Variants in PRRX1 observed in about 807,000 individuals in gnomAD.
PRRX1 encodes paired related homeobox 1.
PRRX1 carries 8 observed loss-of-function variants against 24.0 expected under a neutral mutation model. The ratio of observed to expected loss-of-function variants is 0.33; its 90% CI spans 0.20 to 0.60. The LOEUF is 0.60. Ranked by LOEUF, PRRX1 falls within the 20% of genes least tolerant of loss-of-function variation. PRRX1 has a pLI of 0.82. For missense variants in PRRX1, 281 were observed against 322.4 expected, an observed-to-expected ratio of 0.87 and a Z score of 0.98; for synonymous variants, 160 against 131.7, an observed-to-expected ratio of 1.22 and a Z score of -1.47.
At position 170,719,760 on chromosome 1, in the gene PRRX1, A is replaced by G. The variant is rs1383644368; in HGVS notation, c.276A>G (p.Arg92=). 6.2e-7 allele frequency: 1 copy of G among 1,614,096 alleles called. No homozygotes were observed. The highest frequency in any genetic ancestry group is 8.5e-7 in the Non-Finnish European group (1 of 1,180,050). ...DQLNSEEKKK[R]KQRRNRTTFN... ...TGAACTCAGAAGAAAAAAAGAAGAG[A>G]AAGCAGCGAAGGAATAGGACAACCT... Residue 92 remains arginine (R), a synonymous_variant, in exon 2 of 4, where the codon AGA becomes AGG. Coordinates refer to ENST00000239461, the MANE Select transcript of PRRX1 (RefSeq NM_022716.4).
chr1:170,716,616 G>C (rs962500876), intron 1 of PRRX1, among the ~76,000 whole-genome samples: 2 of 151,620 alleles, frequency 1.3e-5, no homozygotes, highest in Non-Finnish European at 2.9e-5. Context: ...TCATGTTTCC[G>C]CTGGTTATTC....
chr1:170,688,833 T>C (rs1380320714), intron 1 of PRRX1, among the ~76,000 whole-genome samples: 2 of 152,164 alleles, frequency 1.3e-5, no homozygotes, highest in Admixed American at 6.5e-5. Context: ...ATCTTAACTA[T>C]ATACTTGCTA....
rs1655634018 is a variant in PRRX1 at position 170,737,079 on chromosome 1, G to A, written c.*893G>A. The A allele has an allele frequency of 5.5e-6, 1 of 182,164 alleles. No individual in the cohort carries two copies. Among genetic ancestry groups the A allele is most frequent in the South Asian group, 2.0e-4 (1 of 5,076 alleles). The allele number at this position is 182,164 out of a possible 1,614,324, so 11.3% of individuals were successfully genotyped here. Reference sequence around the variant, plus strand: ...GTAACACAAAGAGTGAGTTCTAAAAGGCATGCCCACATCTCTTTCGTGCCT... The same window carrying A: ...GTAACACAAAGAGTGAGTTCTAAAAAGCATGCCCACATCTCTTTCGTGCCT... On this transcript the variant is annotated 3_prime_UTR_variant, in exon 4 of 4. Transcript: ENST00000239461.
chr1:170,674,988 G>T (rs906663693), intron 1 of PRRX1, among the ~76,000 whole-genome samples: 1 of 152,000 alleles, frequency 6.6e-6, no homozygotes. Flanking sequence ...TTACTCAGTG[G>T]AAAAAGTTTT....
intron 1 of PRRX1, among the ~76,000 whole-genome samples, chr1:170,686,924 A>T (rs1304438698): frequency 6.6e-6 from 1 of 152,172 alleles, no homozygotes; most frequent in African/African-American, 2.4e-5. Context: ...GCCTCTCTCC[A>T]TTAGTTAGAA....
At chr1:170,670,592 C>G (rs376582706) in intron 1 of PRRX1, among the ~76,000 whole-genome samples, 1 of 151,994 alleles carries the variant, frequency 6.6e-6, no homozygotes, top group Non-Finnish European at 1.5e-5. Context: ...ATGCGGCAGC[C>G]TCAGGGAAGT....
rs200583557 is a variant in PRRX1 at position 170,719,838 on chromosome 1, T to C, written c.354T>C (p.Tyr118=). The C allele has an allele frequency of 2.4e-5, 38 of 1,614,172 alleles. No individual in the cohort carries two copies. In the South Asian group the frequency reaches 3.3e-4, roughly 14 times the overall value. Residue 118 remains tyrosine, a synonymous_variant, in exon 2 of 4, where the codon TAT becomes TAC. Transcript: ENST00000239461. ...AGCGTGTCTTTGAGCGGACACACTA[T>C]CCTGATGCTTTTGTGCGAGAAGACC... The part of the protein sequence containing the change: ...ALERVFERTH[Y]PDAFVREDLA...
At chr1:170,670,569 T>C (rs1653111458) in intron 1 of PRRX1, among the ~76,000 whole-genome samples, 1 of 152,180 alleles carries the variant, frequency 6.6e-6, no homozygotes, top group African/African-American at 2.4e-5. Context: ...GTCGTTGTCA[T>C]TTTTCTAATT....
Position 170,738,866 on chromosome 1 carries a change from G to A in PRRX1, c.*2680G>A, listed in dbSNP as rs955967595. On this transcript the variant is annotated 3_prime_UTR_variant, in exon 4 of 4. Coordinates refer to ENST00000239461, the MANE Select transcript of PRRX1 (RefSeq NM_022716.4). ...TTATCCAATGTCTCAAGCAAGCAAT[G>A]TCTGGGAATATCATAGAGTAACAAG... 2 of 229,730 alleles carry A rather than the reference G, an allele frequency of 8.7e-6. No homozygotes were observed. The highest frequency in any genetic ancestry group is 1.7e-5 in the Non-Finnish European group (2 of 115,834). 14.2% of individuals were successfully genotyped at this position (229,730 alleles called of 1,614,324 possible).
chr1:170,709,653 A>G (rs915311313), intron 1 of PRRX1, among the ~76,000 whole-genome samples: 2 of 152,146 alleles, frequency 1.3e-5, no homozygotes, highest in Non-Finnish European at 1.5e-5. Flanking sequence ...GAAAGTAAGT[A>G]TCTTGAAGTG....
chr1:170,719,448 G>T lies in PRRX1; in HGVS notation c.242-278G>T, dbSNP rs1655013055. Among the ~76,000 whole-genome samples the T allele has an allele frequency of 3.3e-5, 5 of 152,310 alleles. No homozygotes were observed. In the South Asian group the frequency reaches 1.0e-3, roughly 32 times the overall value. ...GGGTAAGATTTTCCTTGACAAACAG[G>T]CATCAAGGATCATGCAAGTAATGTC... On this transcript the variant is annotated intron_variant, in intron 1 of 3. Transcript: ENST00000239461.
intron 1 of PRRX1, among the ~76,000 whole-genome samples, chr1:170,691,277 G>T (rs1220922158): frequency 6.6e-6 from 1 of 152,136 alleles, no homozygotes. Flanking sequence ...TAGCCAACCA[G>T]AGAGTGAAAT....
intron 1 of PRRX1, among the ~76,000 whole-genome samples, chr1:170,702,546 T>C (rs377151000): frequency 2.6e-5 from 4 of 152,142 alleles, no homozygotes; most frequent in African/African-American, 9.7e-5. Flanking sequence ...CAAATGTAAT[T>C]TATAACAAGT....
intron 2 of PRRX1, among the ~76,000 whole-genome samples, chr1:170,720,374 G>C (rs1214215536): frequency 6.6e-6 from 1 of 152,194 alleles, no homozygotes; most frequent in Non-Finnish European, 1.5e-5. Context: ...TCAGCATGAG[G>C]ATAGAATCCT....
chr1:170,673,411 G>A (rs1401821466), intron 1 of PRRX1, among the ~76,000 whole-genome samples: 1 of 152,208 alleles, frequency 6.6e-6, no homozygotes, highest in African/African-American at 2.4e-5. Context: ...CCAAGTGAGA[G>A]AATGAGCTCT....
At chr1:170,717,004 C>G (rs541126816) in intron 1 of PRRX1, among the ~76,000 whole-genome samples, 5 of 152,354 alleles carry the variant, frequency 3.3e-5, no homozygotes, top group African/African-American at 1.2e-4. Flanking sequence ...ATCCCCAGGA[C>G]TGCTGCTCGA....
chr1:170,730,118 A>G, intron 3 of PRRX1: 1 of 756,926 alleles, frequency 1.3e-6, no homozygotes. Flanking sequence ...GGCTGGGCTT[A>G]AAAGAAAGCT....
chr1:170,678,867 T>A (rs974737253), intron 1 of PRRX1, among the ~76,000 whole-genome samples: 2 of 152,236 alleles, frequency 1.3e-5, no homozygotes, highest in African/African-American at 4.8e-5. Context: ...TGATGCCTGG[T>A]TCACTTGCAT....
At chr1:170,706,232 G>A (rs1358611306) in intron 1 of PRRX1, among the ~76,000 whole-genome samples, 2 of 152,228 alleles carry the variant, frequency 1.3e-5, no homozygotes, top group East Asian at 3.9e-4. Context: ...CCACAGGAAT[G>A]TATATCCATG....
Sources: allele counts gnomAD v4.1 joint callset (sites outside exome capture counted in the v4.1 genomes callset), GRCh38; gene constraint gnomAD v4.1.1; transcripts MANE v1.5; gene names NCBI Gene and HGNC (gene_info 2026-07-23, HGNC 2026-07-21).